FAM149A: variants seen among roughly 807,000 people sequenced by gnomAD.
FAM149A encodes the protein protein FAM149A.
Under a neutral mutation model 78.2 loss-of-function variants are expected in FAM149A, and 71 were observed. That is an observed-to-expected ratio of 0.91 (90% CI 0.75 to 1.11). The LOEUF is 1.11. Among genes scored for constraint, FAM149A ranks in the 50% least tolerant of loss-of-function variants. The pLI is 0.00. For synonymous variants in FAM149A, 446 were observed against 410.5 expected, an observed-to-expected ratio of 1.09 and a Z score of -1.04; for missense variants, 1,036 against 971.0, an observed-to-expected ratio of 1.07 and a Z score of -0.89.
intron 8 of FAM149A, among the ~76,000 whole-genome samples, chr4:186,162,362 C>T (rs11733307): frequency 0.39 from 59,450 of 152,024 alleles, 14,275 homozygotes; most frequent in Non-Finnish European, 0.56. Context: ...CCATGATGCC[C>T]GGCCTGTGCT....
At chr4:186,152,539 C>CTTTTTTTTTTTTTTTTTTTTTTTTG (rs10718602) in intron 4 of FAM149A, among the ~76,000 whole-genome samples, 1 of 88,270 alleles carries the variant, frequency 1.1e-5, no homozygotes, top group Non-Finnish European at 2.0e-5. Context: ...TTTCTTTTTG[C>CTTTTTTTTTTTTTTTTTTTTTTTTG]TTTTTTTTTT....
At position 186,153,763 on chromosome 4, in the gene FAM149A, A is replaced by G. The variant is rs752737289; in HGVS notation, c.1051A>G (p.Ile351Val). 3 of 1,606,266 alleles carry G rather than the reference A, an allele frequency of 1.9e-6. No homozygotes were observed. Among genetic ancestry groups the G allele is most frequent in the Non-Finnish European group, 2.6e-6 (3 of 1,174,026 alleles). The change falls in exon 5 of 14, where the codon ATC becomes GTC. Residue 351 changes from isoleucine (I) to valine (V), a missense_variant. By Grantham distance (29) the Ile-to-Val change is conservative (BLOSUM62 3). This residue lies in a region of FAM149A where 716 missense variants were observed against 711.8 expected (regional missense o/e 1.01). Coordinates refer to ENST00000389354, the MANE Select transcript of FAM149A (RefSeq NM_001367768.3). ...CAGTGCCTGCGGACACAGCAGCAAC[A>G]TCAGAGAGTATGTTCAGATAAGTGA...
rs148783493 is a variant in FAM149A at position 186,163,442 on chromosome 4, A to G, written c.1698A>G (p.Lys566=). The G allele has an allele frequency of 7.4e-6, 12 of 1,613,710 alleles. No homozygotes were observed. The African/African-American group carries it at 1.5e-4, about 20-fold the overall frequency. ...TTCCCAGGAATGAGAAGGAGGACAA[A>G]GCATCGGGTGGAGGGGCAGGTGCTC... The change falls in exon 10 of 14, where the codon AAA becomes AAG. Residue 566 remains lysine (K), a synonymous_variant. Transcript: ENST00000389354.
chr4:186,136,256 A>G (rs2099322645), intron 1 of FAM149A, among the ~76,000 whole-genome samples: 1 of 152,206 alleles, frequency 6.6e-6, no homozygotes, highest in Non-Finnish European at 1.5e-5. Flanking sequence ...AGACTGTTTA[A>G]TTATCAGAAT....
At chr4:186,132,469 A>T (rs567113908) in intron 1 of FAM149A, among the ~76,000 whole-genome samples, 1 of 152,244 alleles carries the variant, frequency 6.6e-6, no homozygotes, top group Non-Finnish European at 1.5e-5. Flanking sequence ...TGTGTCTTCT[A>T]AACCAAAAAA....
In FAM149A at chr4:186,153,774, T is replaced by C; in HGVS notation, c.1058+4T>C. 6.3e-7 allele frequency: 1 copy of C among 1,595,138 alleles called. No homozygotes were observed. Among genetic ancestry groups the C allele is most frequent in the Non-Finnish European group, 8.6e-7 (1 of 1,165,688 alleles). On this transcript the variant is annotated splice_donor_region_variant and intron_variant, in intron 5 of 13. Transcript: ENST00000389354. Reference sequence around the variant, plus strand: ...GACACAGCAGCAACATCAGAGAGTATGTTCAGATAAGTGACTCTCAAAAAG... The same window carrying C: ...GACACAGCAGCAACATCAGAGAGTACGTTCAGATAAGTGACTCTCAAAAAG...
Position 186,105,586 on chromosome 4 carries a change from G to A in FAM149A, c.510G>A (p.Thr170=). The A allele has an allele frequency of 9.4e-7, 1 of 1,064,496 alleles. No homozygotes were observed. Among genetic ancestry groups the A allele is most frequent in the Non-Finnish European group, 1.1e-6 (1 of 874,744 alleles). The allele number at this position is 1,064,496 out of a possible 1,614,324, so 65.9% of individuals were successfully genotyped here. ...CTGGCCCCAGAACCCTGTTCCTTACGCTGCCTGACATCGGCGAGGAGGGGG... is the reference window on the plus strand; with the variant it reads ...CTGGCCCCAGAACCCTGTTCCTTACACTGCCTGACATCGGCGAGGAGGGGG... The change falls in exon 1 of 14, where the codon ACG becomes ACA. Residue 170 remains threonine (T), a synonymous_variant. Transcript: ENST00000389354.
At chr4:186,157,289 G>C (rs1734110773) in intron 7 of FAM149A, among the ~76,000 whole-genome samples, 1 of 152,162 alleles carries the variant, frequency 6.6e-6, no homozygotes, top group East Asian at 1.9e-4. Flanking sequence ...CCTAAATCCT[G>C]TTCTTTTTCC....
At position 186,172,016 on chromosome 4, in the gene FAM149A, C is replaced by G; in HGVS notation, c.*29C>G. The stretch of plus-strand genomic sequence containing the variant: ...CACCTCACCAGAACCATTGGAGCAC[C>G]TGTGGCCTCGGCACACTGCTTATCA... On this transcript the variant is annotated 3_prime_UTR_variant, in exon 14 of 14. Coordinates refer to ENST00000389354, the MANE Select transcript of FAM149A (RefSeq NM_001367768.3). 6.2e-7 allele frequency: 1 copy of G among 1,607,056 alleles called. No homozygotes were observed. The highest frequency in any genetic ancestry group is 1.3e-5 in the African/African-American group (1 of 74,618).
chr4:186,118,964 T>C (rs1438117274), intron 1 of FAM149A, among the ~76,000 whole-genome samples: 1 of 152,182 alleles, frequency 6.6e-6, no homozygotes, highest in African/African-American at 2.4e-5. Flanking sequence ...AAAATAAACC[T>C]TTGGATCATT....
At chr4:186,169,835 G>A (rs140411269) in intron 13 of FAM149A, 20 of 985,400 alleles carry the variant, frequency 2.0e-5, no homozygotes, top group Middle Eastern at 5.2e-4. Context: ...AGTCATCTGC[G>A]CCTCACTGCC....
rs1579924019 is a variant in FAM149A at position 186,162,846 on chromosome 4, T to G, written c.1577T>G (p.Ile526Ser). 1 of 1,133,652 alleles carries G rather than the reference T, an allele frequency of 8.8e-7. No individual in the cohort carries two copies. Among genetic ancestry groups the G allele is most frequent in the Non-Finnish European group, 1.3e-6 (1 of 764,850 alleles). 70.2% of individuals were successfully genotyped at this position (1,133,652 alleles called of 1,614,324 possible). ...TTTTTTTTTTTTTACTGTTCTCAGA[T>G]TCATCACTTCTCCAGCAGTTTTTAT... The change falls in exon 9 of 14, where the codon ATT (isoleucine) becomes AGT (serine). Residue 526 changes from isoleucine to serine, a missense_variant and splice_region_variant. Around this residue, in one of 3 missense-constraint regions of FAM149A, gnomAD observed 716 missense variants for 711.8 expected, o/e 1.01. Coordinates refer to ENST00000389354, the MANE Select transcript of FAM149A (RefSeq NM_001367768.3).
At chr4:186,141,178 T>G (rs1321319513) in intron 1 of FAM149A, among the ~76,000 whole-genome samples, 1 of 152,222 alleles carries the variant, frequency 6.6e-6, no homozygotes, top group Non-Finnish European at 1.5e-5. Flanking sequence ...CTCTGCCCAC[T>G]TGTTTATGGG....
chr4:186,149,680 C>T lies in FAM149A; in HGVS notation c.765C>T (p.Gly255=). The change falls in exon 3 of 14, where the codon GGC becomes GGT. Residue 255 remains glycine, a synonymous_variant. Transcript: ENST00000389354. ...CCACCGGCTCATCCACGGAGAGGGG[C>T]TCCGTTTATTCCTGGAGAGATGACG... is the stretch of plus-strand genomic sequence containing the variant. The T allele has an allele frequency of 7.8e-7, 1 of 1,289,006 alleles. No homozygotes were observed. Among genetic ancestry groups the T allele is most frequent in the Non-Finnish European group, 1.0e-6 (1 of 988,610 alleles). 79.8% of individuals were successfully genotyped at this position (1,289,006 alleles called of 1,614,324 possible).
chr4:186,135,118 G>A (rs1019635343), intron 1 of FAM149A, among the ~76,000 whole-genome samples: 3 of 152,196 alleles, frequency 2.0e-5, no homozygotes, highest in Non-Finnish European at 4.4e-5. Flanking sequence ...GGGTTTTTAC[G>A]AGCTCTCTGG....
At chr4:186,126,908 C>T (rs542693747) in intron 1 of FAM149A, 90 of 985,268 alleles carry the variant, frequency 9.1e-5, no homozygotes, top group African/African-American at 1.7e-4. Context: ...TATAAATGGG[C>T]GGTGTATCAC....
chr4:186,111,904 T>A (rs938429788), intron 1 of FAM149A, among the ~76,000 whole-genome samples: 1 of 151,824 alleles, frequency 6.6e-6, no homozygotes, highest in African/African-American at 2.4e-5. Context: ...CATATGAACT[T>A]TAAAGTAGTT....
intron 8 of FAM149A, among the ~76,000 whole-genome samples, chr4:186,159,215 G>A (rs1489671542): frequency 6.6e-6 from 1 of 151,914 alleles, no homozygotes; most frequent in Non-Finnish European, 1.5e-5. Context: ...CGTGACACAG[G>A]GTCAGGTGCA....
chr4:186,120,815 G>A (rs1208791278), intron 1 of FAM149A, among the ~76,000 whole-genome samples: 1 of 124,790 alleles, frequency 8.0e-6, no homozygotes, highest in Non-Finnish European at 1.7e-5. Flanking sequence ...AAAAAAGTTA[G>A]TAATCTAAAA....
Sources: allele counts gnomAD v4.1 joint callset (sites outside exome capture counted in the v4.1 genomes callset), GRCh38; gene constraint gnomAD v4.1.1; regional missense constraint gnomAD v4.1.1; transcripts MANE v1.5; gene names NCBI Gene and HGNC (gene_info 2026-07-23, HGNC 2026-07-21).